Variants in EFCAB6 observed in about 807,000 individuals in gnomAD.
EFCAB6 encodes EF-hand calcium-binding domain-containing protein 6.
A neutral mutation model predicts 169.8 loss-of-function variants in EFCAB6; 156 were observed. The observed-to-expected ratio is 0.92, with a 90% CI of 0.81 to 1.05. The LOEUF (loss-of-function observed/expected upper bound fraction) is 1.05. Ranked by LOEUF, EFCAB6 falls within the 50% of genes least tolerant of loss-of-function variation. The pLI, the probability that EFCAB6 is intolerant of heterozygous loss-of-function variation, is 0.00. For synonymous variants in EFCAB6, 698 were observed against 676.4 expected (o/e 1.03, Z -0.50); for missense variants, 1,800 against 1,829.1 (o/e 0.98, Z 0.29).
At chr22:43,647,164 G>C (rs1569311479) in intron 17 of EFCAB6, among the ~76,000 whole-genome samples, 1 of 116,664 alleles carries the variant, frequency 8.6e-6, no homozygotes, top group Non-Finnish European at 1.7e-5. Context: ...TAAAATTCTT[G>C]TAAGAAAGTC....
intron 27 of EFCAB6, chr22:43,540,588 C>A: frequency 6.8e-7 from 1 of 1,467,310 alleles, no homozygotes; most frequent in Non-Finnish European, 9.0e-7. Flanking sequence ...TTCTGCAGGA[C>A]ATTTTTTAAT....
intron 19 of EFCAB6, among the ~76,000 whole-genome samples, chr22:43,630,265 T>C (rs1009089788): frequency 1.3e-5 from 2 of 152,168 alleles, no homozygotes; most frequent in Non-Finnish European, 2.9e-5. Flanking sequence ...CCGCATCCAG[T>C]CTGTCTCACA....
chr22:43,724,550 A>G (rs2059655588), intron 8 of EFCAB6, among the ~76,000 whole-genome samples: 1 of 151,722 alleles, frequency 6.6e-6, no homozygotes, highest in African/African-American at 2.4e-5. Flanking sequence ...TTATATTTTT[A>G]GTAGAGACAG....
intron 15 of EFCAB6, among the ~76,000 whole-genome samples, chr22:43,669,728 A>G (rs1312116962): frequency 6.6e-6 from 1 of 152,248 alleles, no homozygotes; most frequent in East Asian, 1.9e-4. Flanking sequence ...TATTGTATAT[A>G]AAGTATACCA....
intron 7 of EFCAB6, among the ~76,000 whole-genome samples, 174 bp from the exon 8 acceptor site, chr22:43,731,985 T>C (rs1378143031): frequency 2.6e-5 from 4 of 152,168 alleles, no homozygotes; most frequent in Admixed American, 2.0e-4. Flanking sequence ...TTTTTTTTAA[T>C]GCAGCTACTT....
At chr22:43,767,825 T>TA (rs1556387313) in intron 4 of EFCAB6, among the ~76,000 whole-genome samples, 2 of 152,132 alleles carry the variant, frequency 1.3e-5, no homozygotes, top group Non-Finnish European at 2.9e-5. Flanking sequence ...CTTGCGATGA[T>TA]AGTCTCCAAA....
chr22:43,640,279 G>T (rs1047107977), intron 17 of EFCAB6, among the ~76,000 whole-genome samples: 3 of 152,120 alleles, frequency 2.0e-5, no homozygotes, highest in Non-Finnish European at 4.4e-5. Flanking sequence ...GTCTACATAT[G>T]TTATAAATCT....
chr22:43,600,807 C>T (rs922615653), intron 22 of EFCAB6, among the ~76,000 whole-genome samples: 3 of 151,990 alleles, frequency 2.0e-5, no homozygotes, highest in Non-Finnish European at 2.9e-5. Flanking sequence ...GGGATTACAG[C>T]GCCGGCCACC....
intron 23 of EFCAB6, among the ~76,000 whole-genome samples, chr22:43,597,384 T>C (rs1732351646): frequency 6.6e-6 from 1 of 150,984 alleles, no homozygotes; most frequent in Non-Finnish European, 1.5e-5. Flanking sequence ...TGAGGAACTC[T>C]AACAACCCAA....
At chr22:43,547,240 G>A (rs576961816) in intron 27 of EFCAB6, among the ~76,000 whole-genome samples, 4 of 152,248 alleles carry the variant, frequency 2.6e-5, no homozygotes, top group African/African-American at 7.2e-5. Context: ...AAATCAGTAG[G>A]GCCGGGAAAG....
At chr22:43,563,734 C>T (rs2049233878) in intron 26 of EFCAB6, among the ~76,000 whole-genome samples, 1 of 152,176 alleles carries the variant, frequency 6.6e-6, no homozygotes, top group African/African-American at 2.4e-5. Context: ...GGGTTGAGTT[C>T]CTGGCTAACA....
chr22:43,757,052 A>T (rs2060981216), intron 5 of EFCAB6, among the ~76,000 whole-genome samples: 1 of 152,146 alleles, frequency 6.6e-6, no homozygotes, highest in Admixed American at 6.5e-5. Context: ...TTCAAAGGGT[A>T]AGGGGAAGAC....
intron 23 of EFCAB6, among the ~76,000 whole-genome samples, chr22:43,592,739 C>A (rs550156381): frequency 6.6e-6 from 1 of 152,286 alleles, no homozygotes; most frequent in African/African-American, 2.4e-5. Context: ...CTCACACACA[C>A]GGCCTCCCCA....
At chr22:43,671,336 G>A (rs2057483753) in intron 15 of EFCAB6, among the ~76,000 whole-genome samples, 2 of 152,060 alleles carry the variant, frequency 1.3e-5, no homozygotes, top group African/African-American at 4.8e-5. Flanking sequence ...CAAGTAGCTG[G>A]GATTACAAGC....
intron 26 of EFCAB6, among the ~76,000 whole-genome samples, chr22:43,571,580 T>C (rs1029101489): frequency 6.6e-5 from 10 of 152,190 alleles, no homozygotes; most frequent in African/African-American, 2.4e-4. Flanking sequence ...CTTCCCCGGC[T>C]GCCTTCCCCT....
rs2053066386 is a variant in EFCAB6, at chr22:43,608,389, T to C, written c.2681+93A>G. 5.7e-6 allele frequency: 6 copies of C among 1,053,544 alleles called. No homozygotes were observed. The South Asian group carries it at 8.6e-5, about 15-fold the overall frequency. The allele number at this position is 1,053,544 out of a possible 1,614,324, so 65.3% of individuals were successfully genotyped here. The stretch of plus-strand genomic sequence containing the variant: ...AGAGAAAATACTCCCAGCCCCCAGT[T>C]ACCCTGATGTAGGAAAGATTAGGCT... On this transcript the variant is annotated intron_variant, in intron 22 of 31. Transcript: ENST00000262726.
At chr22:43,617,929 C>T (rs2053811209) in intron 20 of EFCAB6, among the ~76,000 whole-genome samples, 1 of 151,712 alleles carries the variant, frequency 6.6e-6, no homozygotes, top group Admixed American at 6.6e-5. Flanking sequence ...TGGTGAAACC[C>T]CGTCTCTACT....
chr22:43,740,990 T>A (rs2060349053), intron 6 of EFCAB6, among the ~76,000 whole-genome samples: 1 of 152,136 alleles, frequency 6.6e-6, no homozygotes, highest in South Asian at 2.1e-4. Flanking sequence ...GAGCGACGTC[T>A]CCAAGGCTCT....
chr22:43,540,093 A>T (rs779120010), intron 28 of EFCAB6, 34 bp downstream of exon 28: 1 of 1,606,596 alleles, frequency 6.2e-7, no homozygotes, highest in East Asian at 2.2e-5. Context: ...TGGCATGAGG[A>T]GGCCTGGGAC....
Sources: gnomAD v4.1 joint callset for allele counts (sites outside exome capture counted in the v4.1 genomes callset) on GRCh38, gnomAD v4.1.1 for gene constraint, MANE v1.5 for transcripts, NCBI Gene and HGNC (gene_info 2026-07-23, HGNC 2026-07-21) for gene names.